Variants in CSMD1 observed in about 807,000 individuals in gnomAD.
CSMD1 encodes the protein CUB and Sushi multiple domains 1, also known as CUB and sushi domain-containing protein 1.
A neutral mutation model predicts 417.5 loss-of-function variants in CSMD1; 213 were observed. The ratio of observed to expected loss-of-function variants is 0.51; its 90% CI spans 0.46 to 0.57. CSMD1 has a LOEUF of 0.57. Among genes scored for constraint, CSMD1 ranks in the 20% least tolerant of loss-of-function variants. The pLI, the probability that CSMD1 is intolerant of heterozygous loss-of-function variation, is 0.00. For synonymous variants in CSMD1, 2,862 were observed against 1,736.8 expected (o/e 1.65, Z -16.11); for missense variants, 6,923 against 4,529.7 (o/e 1.53, Z -15.17).
intron 2 of CSMD1, among the ~76,000 whole-genome samples, chr8:4,436,922 T>C (rs908578125): frequency 2.0e-5 from 3 of 152,220 alleles, no homozygotes; most frequent in Non-Finnish European, 2.9e-5. Flanking sequence ...CATCTGTTGA[T>C]GGACACTGAG....
Position 4,270,926 on chromosome 8 carries a change from G to T in CSMD1, c.415+149027C>A, listed in dbSNP as rs190796841. On this transcript the variant is annotated intron_variant, in intron 3 of 69. Coordinates refer to ENST00000635120, the MANE Select transcript of CSMD1 (RefSeq NM_033225.6). The stretch of plus-strand genomic sequence containing the variant: ...CAAGGTGCTGATCGCTGTGAAAAAT[G>T]AGACACCCCTAGAGAGAGAGGGAGC... Among the ~76,000 whole-genome samples the T allele has an allele frequency of 2.8e-3, 429 of 152,248 alleles. 1 individual carries two copies. The highest frequency in any genetic ancestry group is 0.01 in the African/African-American group (422 of 41,552).
intron 40 of CSMD1, among the ~76,000 whole-genome samples, chr8:3,144,272 T>G (rs1375677357): frequency 6.9e-6 from 1 of 144,636 alleles, no homozygotes; most frequent in African/African-American, 2.4e-5. Flanking sequence ...CTTTTTCTGG[T>G]TTGGTATGCC....
intron 2 of CSMD1, among the ~76,000 whole-genome samples, chr8:4,615,606 C>A (rs1212050036): frequency 2.0e-5 from 3 of 152,054 alleles, no homozygotes; most frequent in Non-Finnish European, 4.4e-5. Flanking sequence ...GCAAAAGAGG[C>A]GCTATAGCCA....
At chr8:4,193,280 G>A (rs1251125523) in intron 3 of CSMD1, among the ~76,000 whole-genome samples, 1 of 152,122 alleles carries the variant, frequency 6.6e-6, no homozygotes, top group East Asian at 1.9e-4. Context: ...CATCACACGT[G>A]TATTAAAATA....
chr8:3,293,630 G>C (rs910484319), intron 25 of CSMD1, among the ~76,000 whole-genome samples: 2 of 152,092 alleles, frequency 1.3e-5, no homozygotes, highest in African/African-American at 4.8e-5. Flanking sequence ...GGCTACTGAG[G>C]CTTGTGCATT....
intron 3 of CSMD1, among the ~76,000 whole-genome samples, chr8:4,037,126 A>T (rs995257086): frequency 6.6e-6 from 1 of 152,196 alleles, no homozygotes; most frequent in African/African-American, 2.4e-5. Flanking sequence ...TGTTTTTATT[A>T]ATCTTTCTTA....
chr8:3,327,831 T>A (rs77292340), intron 23 of CSMD1, among the ~76,000 whole-genome samples: 1 of 152,328 alleles, frequency 6.6e-6, no homozygotes, highest in South Asian at 2.1e-4. Context: ...CTCCGGGTCC[T>A]CATTTCTCTT....
At chr8:3,266,731 T>C (rs775812454) in intron 26 of CSMD1, among the ~76,000 whole-genome samples, 1 of 147,194 alleles carries the variant, frequency 6.8e-6, no homozygotes, top group Non-Finnish European at 1.5e-5. Flanking sequence ...GCTGAGATTA[T>C]ACCACTGCAC....
At chr8:3,770,416 C>G (rs1470871013) in intron 5 of CSMD1, among the ~76,000 whole-genome samples, 2 of 152,116 alleles carry the variant, frequency 1.3e-5, no homozygotes, top group East Asian at 1.9e-4. Flanking sequence ...GTAATTCCAG[C>G]TACTCGAGAG....
At chr8:3,091,447 T>G in intron 48 of CSMD1, 69 bp downstream of exon 48, 3 of 1,165,186 alleles carry the variant, frequency 2.6e-6, no homozygotes, top group Non-Finnish European at 3.5e-6. Context: ...TCTATTTAAA[T>G]TGTTTTATTC....
chr8:4,072,352 C>G (rs1585252680), intron 3 of CSMD1, among the ~76,000 whole-genome samples: 2 of 152,152 alleles, frequency 1.3e-5, no homozygotes, highest in Admixed American at 6.5e-5. Context: ...CGTACAAATA[C>G]TAGTTTTCAA....
chr8:3,623,076 T>A (rs1752558699), intron 7 of CSMD1, among the ~76,000 whole-genome samples: 1 of 152,234 alleles, frequency 6.6e-6, no homozygotes, highest in African/African-American at 2.4e-5. Flanking sequence ...ATTGGTTCAT[T>A]ACACACCATT....
chr8:4,982,507 G>A (rs770986171), intron 1 of CSMD1, among the ~76,000 whole-genome samples: 1 of 152,146 alleles, frequency 6.6e-6, no homozygotes, highest in Non-Finnish European at 1.5e-5. Flanking sequence ...ATTAAAAAGT[G>A]GCTCAAATCT....
At chr8:4,881,239 A>G (rs1803374797) in intron 1 of CSMD1, among the ~76,000 whole-genome samples, 1 of 152,130 alleles carries the variant, frequency 6.6e-6, no homozygotes, top group Non-Finnish European at 1.5e-5. Flanking sequence ...CTTCTCACTG[A>G]GTTATCAATA....
At chr8:4,166,652 C>T (rs780572856) in intron 3 of CSMD1, among the ~76,000 whole-genome samples, 6 of 151,936 alleles carry the variant, frequency 3.9e-5, no homozygotes, top group African/African-American at 7.3e-5. Flanking sequence ...TATTGGGTAC[C>T]GTGTACACTG....
chr8:4,985,177 A>C (rs1034487140), intron 1 of CSMD1, among the ~76,000 whole-genome samples: 2 of 152,168 alleles, frequency 1.3e-5, no homozygotes, highest in East Asian at 3.9e-4. Flanking sequence ...ACATGGACAC[A>C]TAGAAGGGAA....
At chr8:3,404,986 G>A (rs1812261317) in intron 15 of CSMD1, among the ~76,000 whole-genome samples, 1 of 151,914 alleles carries the variant, frequency 6.6e-6, no homozygotes, top group Admixed American at 6.6e-5. Flanking sequence ...TTATGATATT[G>A]ATCCAGGAAT....
rs1333028651 is a variant in CSMD1, at chr8:4,137,625, G to C, written c.416-105526C>G. ...GATACAAAAAAGACAACTGTTAATT[G>C]ATCACATTTTTATAAGCAGTTTCAA... is the stretch of plus-strand genomic sequence containing the variant. On this transcript the variant is annotated intron_variant, in intron 3 of 69. Transcript: ENST00000635120. Among the ~76,000 whole-genome samples, 3 of 131,176 alleles carry C rather than the reference G, an allele frequency of 2.3e-5. 1 individual carries two copies. The highest frequency in any genetic ancestry group is 7.5e-5 in the African/African-American group (3 of 40,268). The allele number at this position is 131,176 out of a possible 152,430, so 86.1% of individuals were successfully genotyped here. A position where few individuals can be genotyped will look rare whatever the true frequency, so the allele number is the denominator to read the frequency against.
intron 23 of CSMD1, among the ~76,000 whole-genome samples, chr8:3,333,585 G>C (rs1424363051): frequency 1.3e-5 from 2 of 152,198 alleles, no homozygotes; most frequent in East Asian, 3.8e-4. Flanking sequence ...AGATATTAGA[G>C]CAGCATAATA....
Sources: allele counts gnomAD v4.1 joint callset (sites outside exome capture counted in the v4.1 genomes callset), GRCh38; gene constraint gnomAD v4.1.1; transcripts MANE v1.5; gene names NCBI Gene and HGNC (gene_info 2026-07-23, HGNC 2026-07-21).